The following FAAH2 variants were observed in gnomAD, a reference collection of about 807,000 sequenced individuals.
FAAH2 encodes the protein fatty-acid amide hydrolase 2.
FAAH2 carries 60 observed loss-of-function variants against 36.9 expected under a neutral mutation model. The ratio of observed to expected loss-of-function variants is 1.63; its 90% CI spans 1.32 to 2.02. The LOEUF (loss-of-function observed/expected upper bound fraction) is 2.02, where lower values mean the gene tolerates loss of function less well. Ranked by LOEUF, FAAH2 falls within the 30% of genes most tolerant of loss-of-function variation. The probability of loss-of-function intolerance (pLI) is 0.00; values close to 1 mark genes in which losing one functional copy is unlikely to be tolerated. For synonymous variants in FAAH2, 214 were observed against 143.8 expected (o/e 1.49, Z -3.49); for missense variants, 689 against 397.5 (o/e 1.73, Z -6.23).
chrX:57,439,717 G>T (rs772905922), intron 8 of FAAH2, among the ~76,000 whole-genome samples: 43 of 111,827 alleles, frequency 3.8e-4, no homozygotes, highest in African/African-American at 1.3e-3. Context: ...TTTTCTTCTA[G>T]GGTTTTTATG....
At chrX:57,440,418 A>G (rs775076065) in intron 8 of FAAH2, among the ~76,000 whole-genome samples, 67 of 111,145 alleles carry the variant, frequency 6.0e-4, no homozygotes, top group African/African-American at 2.1e-3. Flanking sequence ...TTTTTGGTGT[A>G]TAGGAATGCT....
In FAAH2 at chrX:57,409,069, C is replaced by T. The variant is rs1793934689; in HGVS notation, c.997-22849C>T. Among the ~76,000 whole-genome samples the T allele has an allele frequency of 4.5e-5, 5 of 111,289 alleles. No individual in the cohort carries two copies. In the Admixed American group the frequency reaches 4.8e-4, roughly 11 times the overall value. ...CTAACATATACAGCATGTTACTGTA[C>T]TGAAAATTGTAGGCAATTTTAATAC... On this transcript the variant is annotated intron_variant, in intron 7 of 10. Coordinates refer to ENST00000374900, the MANE Select transcript of FAAH2 (RefSeq NM_174912.4).
intron 5 of FAAH2, among the ~76,000 whole-genome samples, chrX:57,352,123 CAT>C (rs754979641): frequency 0.041 from 1,373 of 33,382 alleles, 216 homozygotes; most frequent in African/African-American, 0.08. Flanking sequence ...TATATATGCA[CAT>C]ATATATATAT....
At chrX:57,438,274 TATAGA>T (rs2056460431) in intron 8 of FAAH2, among the ~76,000 whole-genome samples, 1 of 106,232 alleles carries the variant, frequency 9.4e-6, no homozygotes, top group African/African-American at 3.4e-5. Flanking sequence ...TAGATATAGA[TATAGA>T]TATCAGTAAA....
chrX:57,411,992 G>A, intron 7 of FAAH2, among the ~76,000 whole-genome samples: 1 of 111,880 alleles, frequency 8.9e-6, no homozygotes, highest in Middle Eastern at 4.7e-3. Context: ...ATACATACTA[G>A]TTGTACATAT....
At chrX:57,312,363 A>G (rs1389521545) in intron 3 of FAAH2, among the ~76,000 whole-genome samples, 1 of 112,043 alleles carries the variant, frequency 8.9e-6, no homozygotes, top group Non-Finnish European at 1.9e-5. Flanking sequence ...AAGTGCAAGA[A>G]TTCAAACACA....
intron 7 of FAAH2, among the ~76,000 whole-genome samples, chrX:57,413,040 G>C (rs1050402380): frequency 8.9e-6 from 1 of 112,211 alleles, no homozygotes; most frequent in Non-Finnish European, 1.9e-5. Context: ...AGAAGTGTCT[G>C]TTTATATGCT....
At chrX:57,250,109 T>C in the FAAH2 span, among the ~76,000 whole-genome samples, 1 of 112,087 alleles carries the variant, frequency 8.9e-6, no homozygotes, top group East Asian at 2.8e-4. Context: ...TTTTGACATA[T>C]CCTTGCAAAA....
At chrX:57,271,554 C>T in the FAAH2 span, among the ~76,000 whole-genome samples, 8 of 112,331 alleles carry the variant, frequency 7.1e-5, no homozygotes, top group Non-Finnish European at 1.5e-4. Context: ...TGGGTCAAAA[C>T]TTCCAGAGGA....
chrX:57,443,509 C>G (rs1380530164), intron 8 of FAAH2, among the ~76,000 whole-genome samples: 2 of 112,000 alleles, frequency 1.8e-5, no homozygotes, highest in African/African-American at 6.5e-5. Context: ...TACCATTCGT[C>G]TGATCTTTTT....
intron 2 of FAAH2, among the ~76,000 whole-genome samples, chrX:57,293,584 G>A (rs187030156): frequency 8.9e-6 from 1 of 111,939 alleles, no homozygotes; most frequent in Admixed American, 9.5e-5. Context: ...TCTTTCTTCT[G>A]TGAACCAACT....
intron 8 of FAAH2, among the ~76,000 whole-genome samples, chrX:57,444,748 C>A (rs750244073): frequency 8.9e-6 from 1 of 111,950 alleles, no homozygotes; most frequent in Non-Finnish European, 1.9e-5. Context: ...TGTCTTCCAG[C>A]TTACTAATTA....
intron 10 of FAAH2, among the ~76,000 whole-genome samples, chrX:57,468,593 C>G (rs924665180): frequency 8.9e-6 from 1 of 111,821 alleles, no homozygotes; most frequent in African/African-American, 3.2e-5. Flanking sequence ...AAATATGGGA[C>G]TATGTGAAAA....
chrX:57,369,971 C>G (rs991601829), intron 5 of FAAH2, among the ~76,000 whole-genome samples: 6 of 111,485 alleles, frequency 5.4e-5, no homozygotes, highest in African/African-American at 2.0e-4. Flanking sequence ...ATGTATGTGA[C>G]CAAACTTATT....
At chrX:57,158,917 C>T in the FAAH2 span, among the ~76,000 whole-genome samples, 76 of 112,138 alleles carry the variant, frequency 6.8e-4, no homozygotes, top group Non-Finnish European at 1.2e-3. Context: ...GAAGTCTTTG[C>T]CCATGCCATG....
chrX:57,443,127 C>T (rs1306642238), intron 8 of FAAH2, among the ~76,000 whole-genome samples: 3 of 111,711 alleles, frequency 2.7e-5, no homozygotes, highest in African/African-American at 9.8e-5. Context: ...TTGCAGCATT[C>T]TCTGTAGTTC....
At chrX:57,279,536 G>A in the FAAH2 span, among the ~76,000 whole-genome samples, 4 of 110,880 alleles carry the variant, frequency 3.6e-5, no homozygotes, top group East Asian at 1.1e-3. Flanking sequence ...AACCACCAAG[G>A]CACGTGTATA....
intron 2 of FAAH2, among the ~76,000 whole-genome samples, chrX:57,300,853 T>C (rs2052337029): frequency 8.9e-6 from 1 of 111,756 alleles, no homozygotes; most frequent in Admixed American, 9.5e-5. Context: ...AAAAAACACA[T>C]GAAAAAATGC....
the FAAH2 span, among the ~76,000 whole-genome samples, chrX:57,209,609 T>A: frequency 9.0e-6 from 1 of 111,022 alleles, no homozygotes; most frequent in Non-Finnish European, 1.9e-5. Flanking sequence ...TGGGAATGAG[T>A]CTCTTTCAGA....
Sources: gnomAD v4.1 joint callset for allele counts (sites outside exome capture counted in the v4.1 genomes callset) on GRCh38, gnomAD v4.1.1 for gene constraint, MANE v1.5 for transcripts, NCBI Gene and HGNC (gene_info 2026-07-23, HGNC 2026-07-21) for gene names.